RDH12: variants seen among roughly 807,000 people sequenced by gnomAD.
The protein encoded by RDH12 is retinol dehydrogenase 12.
RDH12 carries 21 observed loss-of-function variants against 34.0 expected under a neutral mutation model. The ratio of observed to expected loss-of-function variants is 0.62; its 90% CI spans 0.44 to 0.89. The LOEUF (loss-of-function observed/expected upper bound fraction) is 0.89. Ranked by LOEUF, RDH12 falls within the 40% of genes least tolerant of loss-of-function variation. The pLI is 0.00. For synonymous variants in RDH12, 198 were observed against 169.9 expected (o/e 1.17, Z -1.29); for missense variants, 394 against 398.6 (o/e 0.99, Z 0.10).
intron 3 of RDH12, among the ~76,000 whole-genome samples, 186 bp downstream of exon 3, chr14:67,722,896 G>A (rs1413419642): frequency 1.3e-5 from 2 of 152,206 alleles, no homozygotes; most frequent in African/African-American, 2.4e-5. Flanking sequence ...ATCTGCGGCC[G>A]GGCAGAGGTG....
chr14:67,722,439 C>T lies in RDH12; in HGVS notation c.-204C>T, dbSNP rs1255050247. 5.4e-5 allele frequency: 35 copies of T among 643,350 alleles called. 1 individual carries two copies. In the Admixed American group the frequency reaches 8.3e-4, roughly 15 times the overall value. 39.9% of individuals were successfully genotyped at this position (643,350 alleles called of 1,614,324 possible). On this transcript the variant is annotated 5_prime_UTR_variant, in exon 3 of 9. Transcript: ENST00000551171. ...TCCCCACCAGGACTACATCTCCCAG[C>T]AGGCTGTGCTCTGACAGCTCTTGGA...
rs8009179 is a variant in RDH12, at chr14:67,727,476, G to T, written c.658+286G>T. 151,759 of 298,896 alleles carry T rather than the reference G, an allele frequency of 0.51. 34,946 individuals carry two copies. Among genetic ancestry groups the T allele is most frequent in the Non-Finnish European group, 0.58 (90,068 of 155,808 alleles). The allele number at this position is 298,896 out of a possible 1,614,324, so 18.5% of individuals were successfully genotyped here. ...TTTTTGCAACAGACAGAGGCTTTTT[G>T]TTTTTTTTGTTTTTTTTTTTTTGAG... On this transcript the variant is annotated intron_variant, in intron 7 of 8. Transcript: ENST00000551171.
chr14:67,719,117 T>A (rs1404935168), intron 1 of RDH12, among the ~76,000 whole-genome samples: 1 of 152,344 alleles, frequency 6.6e-6, no homozygotes, highest in African/African-American at 2.4e-5. Flanking sequence ...ATCGGAGTTA[T>A]CCTTTTCCAT....
chr14:67,719,687 A>G (rs574717289), intron 1 of RDH12, among the ~76,000 whole-genome samples: 1 of 152,112 alleles, frequency 6.6e-6, no homozygotes, highest in Admixed American at 6.5e-5. Context: ...TATGTTGCCC[A>G]GGTTGGTCTT....
intron 1 of RDH12, among the ~76,000 whole-genome samples, chr14:67,717,495 G>A (rs2038080729): frequency 6.6e-6 from 1 of 152,254 alleles, no homozygotes; most frequent in Non-Finnish European, 1.5e-5. Context: ...CTGAGTGAAA[G>A]GCATGGGATA....
rs768617152 is a variant in RDH12, at chr14:67,724,430, C to T, written c.69-43C>T. 11 of 1,160,964 alleles carry T rather than the reference C, an allele frequency of 9.5e-6. No homozygotes were observed. The South Asian group carries it at 1.0e-4, about 11-fold the overall frequency. The allele number at this position is 1,160,964 out of a possible 1,614,324, so 71.9% of individuals were successfully genotyped here. A position where few individuals can be genotyped will look rare whatever the true frequency, so the allele number is the denominator to read the frequency against. ...TTTTTAACGTATCTTAGTGTGAGCT[C>T]GTGAAGGATGGTACGTGATGCTCTT... On this transcript the variant is annotated intron_variant, in intron 3 of 8. Coordinates refer to ENST00000551171, the MANE Select transcript of RDH12 (RefSeq NM_152443.3).
chr14:67,721,060 G>A (rs1037244294), intron 2 of RDH12, among the ~76,000 whole-genome samples, 158 bp downstream of exon 2: 5 of 152,228 alleles, frequency 3.3e-5, no homozygotes, highest in African/African-American at 1.2e-4. Flanking sequence ...TCCTGGTGCA[G>A]AGAAACACTC....
At chr14:67,725,729 C>T (rs1429114867) in intron 5 of RDH12, among the ~76,000 whole-genome samples, 3 of 152,182 alleles carry the variant, frequency 2.0e-5, no homozygotes, top group Non-Finnish European at 4.4e-5. Context: ...GCACCTGGCT[C>T]AGAGTCGGTA....
intron 7 of RDH12, chr14:67,727,431 C>G (rs763343700): frequency 2.2e-6 from 1 of 463,502 alleles, no homozygotes. Context: ...TCTCTTATCT[C>G]ATTTGATTTT....
chr14:67,720,318 T>TC (rs2140134230), intron 1 of RDH12, among the ~76,000 whole-genome samples: 1 of 152,310 alleles, frequency 6.6e-6, no homozygotes, highest in East Asian at 1.9e-4. Context: ...TATGAATATT[T>TC]CCCCCCAGTT....
intron 1 of RDH12, among the ~76,000 whole-genome samples, chr14:67,717,066 G>A (rs897723053): frequency 1.3e-5 from 2 of 151,348 alleles, no homozygotes; most frequent in Non-Finnish European, 2.9e-5. Flanking sequence ...TACAGACATC[G>A]GTACCCTTCC....
chr14:67,712,142 A>T (rs1210266800), intron 1 of RDH12, among the ~76,000 whole-genome samples: 1 of 150,942 alleles, frequency 6.6e-6, no homozygotes, highest in Non-Finnish European at 1.5e-5. Context: ...CTGGTCTTGA[A>T]CTCCTGACCT....
intron 5 of RDH12, 32 bp downstream of exon 5, chr14:67,725,286 G>A (rs750202660): frequency 4.3e-6 from 7 of 1,611,232 alleles, no homozygotes; most frequent in Non-Finnish European, 5.9e-6. Context: ...AGAAAAGCAG[G>A]AAATTGGGTA....
chr14:67,726,194 A>G (rs752360207), intron 6 of RDH12, 39 bp downstream of exon 6: 3 of 1,175,480 alleles, frequency 2.6e-6, no homozygotes, highest in Non-Finnish European at 3.8e-6. Context: ...AGGTACACCC[A>G]CTATCTTTTC....
chr14:67,718,747 A>G (rs1487785870), intron 1 of RDH12, among the ~76,000 whole-genome samples: 6 of 152,136 alleles, frequency 3.9e-5, no homozygotes, highest in African/African-American at 1.4e-4. Flanking sequence ...CAGGTATCCT[A>G]TTGGTCCCTG....
Position 67,729,291 on chromosome 14 carries a change from C to T in RDH12, c.759C>T (p.Pro253=), listed in dbSNP as rs537229899. Reference sequence around the variant, plus strand: ...GCCTGCTCTGGCGGCTCTTCTCCCCCTTTGTCAAGACGGCACGGGAGGGGG... The same window carrying T: ...GCCTGCTCTGGCGGCTCTTCTCCCCTTTTGTCAAGACGGCACGGGAGGGGG... ...LLCLLWRLFS[P]FVKTAREGAQ... is the part of the protein sequence containing the mutation. Residue 253 remains proline, a synonymous_variant, in exon 8 of 9, where the codon CCC becomes CCT. Transcript: ENST00000551171. The T allele has an allele frequency of 8.1e-6, 13 of 1,604,320 alleles. No homozygotes were observed. The South Asian group carries it at 1.1e-4, about 14-fold the overall frequency.
chr14:67,720,293 G>A (rs570368972), intron 1 of RDH12, among the ~76,000 whole-genome samples: 2 of 125,298 alleles, frequency 1.6e-5, no homozygotes, highest in East Asian at 3.9e-4. Context: ...TTAGTCTCTT[G>A]TCTTCAAAGC....
At chr14:67,710,258 T>G (rs1341975460) in intron 1 of RDH12, among the ~76,000 whole-genome samples, 2 of 152,204 alleles carry the variant, frequency 1.3e-5, no homozygotes, top group African/African-American at 4.8e-5. Context: ...ACTTTCTAAA[T>G]TAACTGAGAC....
Position 67,734,086 on chromosome 14 carries a change from C to T in RDH12, c.*238C>T, listed in dbSNP as rs2038322151. ...TCTTCTCTAAGACCTGGAAAGTCAGCAACCCTCTGGGGGCAGCAGGACTGG... is the reference window on the plus strand; with the variant it reads ...TCTTCTCTAAGACCTGGAAAGTCAGTAACCCTCTGGGGGCAGCAGGACTGG... On this transcript the variant is annotated 3_prime_UTR_variant, in exon 9 of 9. Transcript: ENST00000551171. 2 of 396,288 alleles carry T rather than the reference C, an allele frequency of 5.0e-6. No homozygotes were observed. The highest frequency in any genetic ancestry group is 1.2e-4 in the East Asian group (2 of 17,262). The allele number at this position is 396,288 out of a possible 1,614,324, so 24.5% of individuals were successfully genotyped here.
Sources: allele counts gnomAD v4.1 joint callset (sites outside exome capture counted in the v4.1 genomes callset), GRCh38; gene constraint gnomAD v4.1.1; transcripts MANE v1.5; gene names NCBI Gene and HGNC (gene_info 2026-07-23, HGNC 2026-07-21).